The following CDH23 variants were observed in gnomAD, a reference collection of about 807,000 sequenced individuals.
CDH23 encodes the protein cadherin-23.
In CDH23, 189 loss-of-function variants were observed where a neutral mutation model predicts 317.1. The ratio of observed to expected loss-of-function variants is 0.60; its 90% CI spans 0.53 to 0.67. The LOEUF (loss-of-function observed/expected upper bound fraction) is 0.67. Among genes scored for constraint, CDH23 ranks in the 30% least tolerant of loss-of-function variants. CDH23 has a pLI of 0.00. For synonymous variants in CDH23, 1,839 were observed against 1,876.8 expected, an observed-to-expected ratio of 0.98 and a Z score of 0.52; for missense variants, 4,401 against 4,592.4, an observed-to-expected ratio of 0.96 and a Z score of 1.20.
In CDH23 at chr10:71,645,828, C is replaced by T. The variant is rs1862820418; in HGVS notation, c.1141-3C>T. 1 of 1,608,076 alleles carries T rather than the reference C, an allele frequency of 6.2e-7. No homozygotes were observed. The highest frequency in any genetic ancestry group is 1.3e-5 in the African/African-American group (1 of 74,932). On this transcript the variant is annotated splice_region_variant and splice_polypyrimidine_tract_variant and intron_variant, in intron 12 of 69. Transcript: ENST00000224721. ...ACTGGCTTCTTCTGCACTCTTGACC[C>T]AGGGCCTGAACAGCATGTTTGAGGT...
At chr10:71,493,619 G>C (rs1049238428) in intron 3 of CDH23, among the ~76,000 whole-genome samples, 1 of 152,180 alleles carries the variant, frequency 6.6e-6, no homozygotes, top group African/African-American at 2.4e-5. Flanking sequence ...TGTGGGGAAG[G>C]CTGTATTTTC....
chr10:71,428,521 T>C lies in CDH23; in HGVS notation c.-5-11306T>C, dbSNP rs570537880. Among the ~76,000 whole-genome samples the C allele has an allele frequency of 4.0e-4, 61 of 152,222 alleles. 1 individual carries two copies. Among genetic ancestry groups the C allele is most frequent in the South Asian group, 2.3e-3 (11 of 4,822 alleles). ...AACTGGTATCTCATTGCGGTTTTGA[T>C]TTATAGCTCCCTAATGGTAGTGATG... is the stretch of plus-strand genomic sequence containing the variant. On this transcript the variant is annotated intron_variant, in intron 1 of 69. Coordinates refer to ENST00000224721, the MANE Select transcript of CDH23 (RefSeq NM_022124.6).
At chr10:71,603,675 G>A (rs376385499) in intron 9 of CDH23, among the ~76,000 whole-genome samples, 15 of 152,296 alleles carry the variant, frequency 9.8e-5, no homozygotes, top group Middle Eastern at 3.4e-3. Flanking sequence ...GCCAGACTCC[G>A]GGCCCCAGGG....
chr10:71,550,253 G>A (rs1470572724), intron 6 of CDH23, among the ~76,000 whole-genome samples: 1 of 152,146 alleles, frequency 6.6e-6, no homozygotes, highest in Non-Finnish European at 1.5e-5. Flanking sequence ...TTCTCCCACA[G>A]ATGTTCTGAG....
chr10:71,561,411 T>C (rs1857125818), intron 6 of CDH23, among the ~76,000 whole-genome samples: 1 of 151,960 alleles, frequency 6.6e-6, no homozygotes, highest in Non-Finnish European at 1.5e-5. Context: ...ACACCCTCCC[T>C]CACCCTGTTC....
At chr10:71,638,856 G>T (rs1862396397) in intron 11 of CDH23, among the ~76,000 whole-genome samples, 1 of 152,150 alleles carries the variant, frequency 6.6e-6, no homozygotes, top group Non-Finnish European at 1.5e-5. Flanking sequence ...CCTTCTCAAA[G>T]CTACCCCCCA....
At chr10:71,620,552 C>T (rs986515714) in intron 11 of CDH23, among the ~76,000 whole-genome samples, 14 of 152,278 alleles carry the variant, frequency 9.2e-5, no homozygotes, top group Admixed American at 3.3e-4. Context: ...GGGTCCAACC[C>T]GCCTCTAGTG....
At chr10:71,749,071 C>T (rs536535471) in intron 38 of CDH23, 3 of 152,374 alleles carry the variant, frequency 2.0e-5, no homozygotes, top group Non-Finnish European at 4.4e-5. Context: ...AGCAGCCAGG[C>T]CTGGGGTCTG....
Position 71,702,127 on chromosome 10 carries a change from A to G in CDH23, c.2503A>G (p.Thr835Ala). The G allele has an allele frequency of 1.2e-6, 2 of 1,613,942 alleles. No individual in the cohort carries two copies. The highest frequency in any genetic ancestry group is 1.7e-6 in the Non-Finnish European group (2 of 1,179,884). The change falls in exon 23 of 70, where the codon ACC (threonine) becomes GCC (alanine). Residue 835 changes from threonine (T) to alanine (A), a missense_variant. By Grantham distance (58) the Thr-to-Ala change is moderately conservative. This residue lies in a region of CDH23 where 3,068 missense variants were observed against 3,203.3 expected (regional missense o/e 0.96). Transcript: ENST00000224721. ...CAACAGCACCACGGGCAAGATCCGC[A>G]CCACCCACGCCATGCTGGACCGGGA... is the stretch of plus-strand genomic sequence containing the variant. ...SLNSTTGKIR[T>A]THAMLDRENP...
intron 11 of CDH23, among the ~76,000 whole-genome samples, chr10:71,620,561 T>C (rs1160541050): frequency 6.6e-6 from 1 of 152,164 alleles, no homozygotes; most frequent in Non-Finnish European, 1.5e-5. Context: ...CCGCCTCTAG[T>C]GACCGCCCCC....
chr10:71,552,889 C>A (rs879712222), intron 6 of CDH23, among the ~76,000 whole-genome samples: 3 of 152,114 alleles, frequency 2.0e-5, no homozygotes, highest in African/African-American at 7.2e-5. Context: ...CATGTTTGGA[C>A]AAGGTAGGGG....
chr10:71,410,380 C>G (rs1405155615), intron 1 of CDH23, among the ~76,000 whole-genome samples: 1 of 151,714 alleles, frequency 6.6e-6, no homozygotes, highest in Non-Finnish European at 1.5e-5. Context: ...ATTTCCAGGA[C>G]TGGGAGGTCC....
At chr10:71,649,195 G>A (rs1863045883) in intron 14 of CDH23, among the ~76,000 whole-genome samples, 1 of 152,082 alleles carries the variant, frequency 6.6e-6, no homozygotes, top group Non-Finnish European at 1.5e-5. Flanking sequence ...TCACCCGGCA[G>A]CTCTCTGCTC....
At chr10:71,680,644 A>T (rs1458940422) in intron 17 of CDH23, among the ~76,000 whole-genome samples, 1 of 149,828 alleles carries the variant, frequency 6.7e-6, no homozygotes, top group Non-Finnish European at 1.5e-5. Context: ...GATACTCGGA[A>T]GGCTGAGGCA....
At position 71,689,008 on chromosome 10, in the gene CDH23, G is replaced by A. The variant is rs1322104242; in HGVS notation, c.2059+1289G>A. Among the ~76,000 whole-genome samples, 21 of 70,762 alleles carry A rather than the reference G, an allele frequency of 3.0e-4. 3 individuals carry two copies. Among genetic ancestry groups the A allele is most frequent in the African/African-American group, 5.1e-4 (10 of 19,592 alleles). 46.4% of individuals were successfully genotyped at this position (70,762 alleles called of 152,430 possible). A position where few individuals can be genotyped will look rare whatever the true frequency, so the allele number is the denominator to read the frequency against. On this transcript the variant is annotated intron_variant, in intron 19 of 69. Transcript: ENST00000224721. ...GGAGTCAGGGATGGTGGAGCCAGGGGTGGTGGAGTCAGGGGTGGTGGAGTC... is the reference window on the plus strand; with the variant it reads ...GGAGTCAGGGATGGTGGAGCCAGGGATGGTGGAGTCAGGGGTGGTGGAGTC...
chr10:71,660,630 C>T (rs1863609239), intron 14 of CDH23, among the ~76,000 whole-genome samples: 1 of 152,158 alleles, frequency 6.6e-6, no homozygotes, highest in African/African-American at 2.4e-5. Flanking sequence ...TCTCACATGG[C>T]TGTGCTTAGC....
chr10:71,659,960 GTT>G lies in CDH23; in HGVS notation c.1449+13362_1449+13363del, dbSNP rs5786047. 2.4e-3 allele frequency among the ~76,000 whole-genome samples: 286 copies of G among 119,508 alleles called. 2 individuals carry two copies. The highest frequency in any genetic ancestry group is 8.4e-3 in the African/African-American group (260 of 30,816). The allele number at this position is 119,508 out of a possible 152,430, so 78.4% of individuals were successfully genotyped here. A position where few individuals can be genotyped will look rare whatever the true frequency, so the allele number is the denominator to read the frequency against. On this transcript the variant is annotated intron_variant, in intron 14 of 69. Transcript: ENST00000224721. The stretch of plus-strand genomic sequence containing the variant: ...CTTTTCTTTTCTTTTCTTTCTTTCC[GTT>G]TTTTTTTTTTTTTTTTTTAGACGGA...
intron 53 of CDH23, among the ~76,000 whole-genome samples, chr10:71,802,520 A>C (rs538574274): frequency 3.4e-4 from 52 of 152,324 alleles, no homozygotes; most frequent in African/African-American, 1.2e-3. Flanking sequence ...CCAATCCAGC[A>C]CTAAGGGATA....
intron 6 of CDH23, among the ~76,000 whole-genome samples, chr10:71,539,132 G>A (rs570681383): frequency 1.3e-5 from 2 of 152,288 alleles, no homozygotes; most frequent in East Asian, 3.9e-4. Flanking sequence ...CTCCCCACTG[G>A]TGGGACAGGT....
Sources: gnomAD v4.1 joint callset for allele counts (sites outside exome capture counted in the v4.1 genomes callset) on GRCh38, gnomAD v4.1.1 for gene constraint, gnomAD v4.1.1 regional missense constraint, MANE v1.5 for transcripts, NCBI Gene and HGNC (gene_info 2026-07-23, HGNC 2026-07-21) for gene names.